STXBP6: variants seen among roughly 807,000 people sequenced by gnomAD.
STXBP6 encodes syntaxin binding protein 6.
Under a neutral mutation model 26.9 loss-of-function variants are expected in STXBP6, and 21 were observed. That is an observed-to-expected ratio of 0.78 (90% CI 0.55 to 1.12). The LOEUF is 1.12. STXBP6 is among the 50% of genes most tolerant of loss of function. STXBP6 has a pLI of 0.00. For synonymous variants in STXBP6, 97 were observed against 92.6 expected, an observed-to-expected ratio of 1.05 and a Z score of -0.27; for missense variants, 232 against 257.9, an observed-to-expected ratio of 0.90 and a Z score of 0.69.
At chr14:24,833,443 A>G (rs1161543161) in intron 4 of STXBP6, among the ~76,000 whole-genome samples, 1 of 152,224 alleles carries the variant, frequency 6.6e-6, no homozygotes, top group East Asian at 1.9e-4. Context: ...CTTGATTACA[A>G]GAATAATCCC....
chr14:24,997,993 A>G (rs4447323), intron 1 of STXBP6, among the ~76,000 whole-genome samples: 3,150 of 152,274 alleles, frequency 0.021, 371 homozygotes, highest in Admixed American at 0.18. Context: ...CAATTTTTCA[A>G]TGGTAAAAAA....
chr14:24,983,443 T>C (rs1467144295), intron 1 of STXBP6, among the ~76,000 whole-genome samples: 2 of 152,142 alleles, frequency 1.3e-5, no homozygotes, highest in African/African-American at 2.4e-5. Flanking sequence ...AACATGAAAA[T>C]AAACATTTTA....
chr14:24,879,440 G>A (rs879703377), intron 2 of STXBP6, among the ~76,000 whole-genome samples: 9 of 152,092 alleles, frequency 5.9e-5, no homozygotes, highest in Non-Finnish European at 8.8e-5. Flanking sequence ...ATTATTGATC[G>A]AAAGATAAAA....
chr14:24,871,314 A>G (rs854344), intron 2 of STXBP6, among the ~76,000 whole-genome samples: 136,481 of 152,170 alleles, frequency 0.9, 62,316 homozygotes, highest in East Asian at 1. Flanking sequence ...TCAATAGAGC[A>G]TATCCACTGA....
intron 2 of STXBP6, among the ~76,000 whole-genome samples, chr14:24,921,272 A>AAC (rs1411289742): frequency 3.3e-5 from 5 of 152,154 alleles, no homozygotes; most frequent in African/African-American, 1.2e-4. Context: ...TCCATTAATC[A>AAC]ACACAAACCT....
rs1283475357 is a variant in STXBP6, at chr14:25,049,792, C to A, written c.-33+86G>T. 7 of 985,648 alleles carry A rather than the reference C, an allele frequency of 7.1e-6. No homozygotes were observed. The highest frequency in any genetic ancestry group is 4.7e-5 in the South Asian group (1 of 21,298). 61.1% of individuals were successfully genotyped at this position (985,648 alleles called of 1,614,324 possible). The stretch of plus-strand genomic sequence containing the variant: ...CACCCGCCTCGGACGGAGCGCCAGG[C>A]GCCCCAACAGCCGTGGCGGCTGCAA... On this transcript the variant is annotated intron_variant, in intron 1 of 5. Transcript: ENST00000323944. This position sits in a 1 kb window ranked among gnomAD's most constrained non-coding sequence, Gnocchi z 5.6.
intron 2 of STXBP6, among the ~76,000 whole-genome samples, chr14:24,915,905 T>C (rs1409492790): frequency 1.3e-5 from 2 of 152,164 alleles, no homozygotes; most frequent in Non-Finnish European, 2.9e-5. Flanking sequence ...CTTTCAGATG[T>C]CACTAACATT....
rs2068773299 is a variant in STXBP6 at position 24,841,166 on chromosome 14, CTT to C, written c.451+14768_451+14769del. 2.0e-5 allele frequency among the ~76,000 whole-genome samples: 3 copies of C among 152,110 alleles called. No homozygotes were observed. In the South Asian group the frequency reaches 6.2e-4, roughly 31 times the overall value. ...GGTCTAGAGGTGGTGAATAATCAGT[CTT>C]TGCTTTTCTGAATATATCTTTGTAT... On this transcript the variant is annotated intron_variant, in intron 4 of 5. Coordinates refer to ENST00000323944, the MANE Select transcript of STXBP6 (RefSeq NM_001394410.1).
At chr14:24,945,581 A>G in intron 2 of STXBP6, among the ~76,000 whole-genome samples, 1 of 152,016 alleles carries the variant, frequency 6.6e-6, no homozygotes, top group East Asian at 1.9e-4. Flanking sequence ...AAAACAAAAC[A>G]AAACAAAACA....
rs1049103663 is a variant in STXBP6 at position 24,831,013 on chromosome 14, C to A, written c.452-11819G>T. Among the ~76,000 whole-genome samples, 6 of 152,212 alleles carry A rather than the reference C, an allele frequency of 3.9e-5. No homozygotes were observed. In the South Asian group the frequency reaches 6.2e-4, roughly 16 times the overall value. On this transcript the variant is annotated intron_variant, in intron 4 of 5. Coordinates refer to ENST00000323944, the MANE Select transcript of STXBP6 (RefSeq NM_001394410.1). ...GGACAACTAACTGCATATCCACAGG[C>A]AAAAGAGTGAAGTTGGACCCCTACA...
At chr14:24,918,884 C>T (rs1373314591) in intron 2 of STXBP6, among the ~76,000 whole-genome samples, 3 of 152,026 alleles carry the variant, frequency 2.0e-5, no homozygotes, top group Admixed American at 6.6e-5. Context: ...AAAACTTTTC[C>T]CTACTTACTG....
At chr14:25,042,543 A>G (rs1173773445) in intron 1 of STXBP6, among the ~76,000 whole-genome samples, 1 of 152,232 alleles carries the variant, frequency 6.6e-6, no homozygotes, top group Non-Finnish European at 1.5e-5. Context: ...GATCATACAG[A>G]TAAGAAACTG....
chr14:24,936,188 A>G (rs1213085786), intron 2 of STXBP6, among the ~76,000 whole-genome samples: 3 of 152,290 alleles, frequency 2.0e-5, no homozygotes, highest in African/African-American at 4.8e-5. Context: ...GCTTTGCTCC[A>G]TTAGTCCCAG....
At chr14:25,031,397 G>C (rs1307851115) in intron 1 of STXBP6, among the ~76,000 whole-genome samples, 1 of 152,206 alleles carries the variant, frequency 6.6e-6, no homozygotes, top group Non-Finnish European at 1.5e-5. Context: ...CTGTAAAACA[G>C]AGGCAGGCAG....
At chr14:25,029,651 A>G (rs1449667751) in intron 1 of STXBP6, among the ~76,000 whole-genome samples, 2 of 152,184 alleles carry the variant, frequency 1.3e-5, no homozygotes, top group Admixed American at 6.5e-5. Context: ...AGACTCCTAT[A>G]TAATGCTTCA....
At chr14:25,046,020 C>T (rs1211284003) in intron 1 of STXBP6, among the ~76,000 whole-genome samples, 4 of 152,150 alleles carry the variant, frequency 2.6e-5, no homozygotes, top group Non-Finnish European at 5.9e-5. Flanking sequence ...AAAGCACCCT[C>T]TAGGAACATA....
chr14:24,931,247 GA>G (rs2072394951), intron 2 of STXBP6, among the ~76,000 whole-genome samples: 1 of 128,696 alleles, frequency 7.8e-6, no homozygotes, highest in African/African-American at 2.8e-5. Context: ...GAGGTGGGGG[GA>G]GGGGGGAGGG....
chr14:24,959,425 T>C (rs902382931), intron 2 of STXBP6, among the ~76,000 whole-genome samples: 1 of 152,058 alleles, frequency 6.6e-6, no homozygotes, highest in Non-Finnish European at 1.5e-5. Context: ...CAGAGCAATC[T>C]CTCCTTCAGA....
rs1017032635 is a variant in STXBP6 at position 24,826,981 on chromosome 14, C to T, written c.452-7787G>A. On this transcript the variant is annotated intron_variant, in intron 4 of 5. Coordinates refer to ENST00000323944, the MANE Select transcript of STXBP6 (RefSeq NM_001394410.1). ...TTGGGAGGCCAAGGTGGGTGGATCA[C>T]TTTAGCCCAGGAGTTTTGAGATCGG... Among the ~76,000 whole-genome samples the T allele has an allele frequency of 2.0e-5, 3 of 152,184 alleles. No individual in the cohort carries two copies. In the East Asian group the frequency reaches 5.8e-4, roughly 29 times the overall value.
Sources: gnomAD v4.1 joint callset for allele counts (sites outside exome capture counted in the v4.1 genomes callset) on GRCh38, gnomAD v4.1.1 for gene constraint, Gnocchi (gnomAD v3.1) non-coding constraint, MANE v1.5 for transcripts, NCBI Gene and HGNC (gene_info 2026-07-23, HGNC 2026-07-21) for gene names.